Variants in PRKN observed in about 807,000 individuals in gnomAD.
PRKN encodes the protein parkin RBR E3 ubiquitin protein ligase.
A neutral mutation model predicts 59.5 loss-of-function variants in PRKN; 56 were observed. The ratio of observed to expected loss-of-function variants is 0.94; its 90% CI spans 0.76 to 1.18. The LOEUF is 1.18. PRKN is among the 50% of genes most tolerant of loss of function. The probability of loss-of-function intolerance (pLI) is 0.00; values close to 1 mark genes in which losing one functional copy is unlikely to be tolerated. For synonymous variants in PRKN, 250 were observed against 222.1 expected (o/e 1.13, Z -1.12); for missense variants, 657 against 596.4 (o/e 1.10, Z -1.06).
intron 6 of PRKN, among the ~76,000 whole-genome samples, chr6:161,889,532 G>A (rs1170165784): frequency 2.0e-5 from 3 of 152,188 alleles, no homozygotes; most frequent in Non-Finnish European, 4.4e-5. Flanking sequence ...AGCATTCTCA[G>A]ACAGACAGAC....
chr6:162,619,456 T>G (rs1454407586), intron 1 of PRKN, among the ~76,000 whole-genome samples: 1 of 152,050 alleles, frequency 6.6e-6, no homozygotes, highest in Non-Finnish European at 1.5e-5. Flanking sequence ...TACAATAGCA[T>G]GGGGATCTCA....
chr6:161,571,520 A>T (rs1259239104), intron 7 of PRKN, among the ~76,000 whole-genome samples: 1 of 152,238 alleles, frequency 6.6e-6, no homozygotes, highest in Non-Finnish European at 1.5e-5. Flanking sequence ...GATACAGATT[A>T]GATCTGTGCA....
chr6:162,237,267 A>G (rs911995129), intron 3 of PRKN, among the ~76,000 whole-genome samples: 2 of 152,210 alleles, frequency 1.3e-5, no homozygotes, highest in African/African-American at 4.8e-5. Flanking sequence ...AGAATTTTAA[A>G]TCATGAAAGA....
chr6:162,321,932 G>C (rs1219868492), intron 2 of PRKN, among the ~76,000 whole-genome samples: 4 of 151,902 alleles, frequency 2.6e-5, no homozygotes, highest in Non-Finnish European at 5.9e-5. Context: ...CTTTCCCTCT[G>C]AGATTGAGGC....
chr6:162,443,541 A>G (rs1429292921), intron 1 of PRKN, 68 bp from the exon 2 acceptor site: 1 of 1,419,380 alleles, frequency 7.0e-7, no homozygotes, highest in Non-Finnish European at 1.0e-6. Flanking sequence ...TGGTGATAGC[A>G]ACATTTCTCA....
intron 3 of PRKN, among the ~76,000 whole-genome samples, chr6:162,243,629 A>G (rs1315236680): frequency 1.3e-5 from 2 of 152,150 alleles, no homozygotes; most frequent in Admixed American, 6.5e-5. Context: ...ACTTTCAAAG[A>G]TAAGTTTGCT....
chr6:162,100,017 C>T (rs1260259567), intron 4 of PRKN, among the ~76,000 whole-genome samples: 1 of 152,210 alleles, frequency 6.6e-6, no homozygotes, highest in African/African-American at 2.4e-5. Context: ...TACGTGAAAC[C>T]GTGCAATATT....
At chr6:161,758,483 T>C (rs1006235464) in intron 7 of PRKN, among the ~76,000 whole-genome samples, 2 of 152,166 alleles carry the variant, frequency 1.3e-5, no homozygotes, top group Non-Finnish European at 2.9e-5. Context: ...AGAGAGTACA[T>C]ACTCTACGGT....
intron 1 of PRKN, among the ~76,000 whole-genome samples, chr6:162,724,776 G>A (rs558107678): frequency 6.6e-6 from 1 of 152,270 alleles, no homozygotes; most frequent in South Asian, 2.1e-4. Context: ...TACAGAATGA[G>A]TTTATAGACT....
At position 162,415,273 on chromosome 6, in the gene PRKN, C is replaced by T. The variant is rs147401507; in HGVS notation, c.171+28037G>A. Among the ~76,000 whole-genome samples, 285 of 152,252 alleles carry T rather than the reference C, an allele frequency of 1.9e-3. 1 individual carries two copies. Among genetic ancestry groups the T allele is most frequent in the African/African-American group, 6.5e-3 (272 of 41,552 alleles). ...TATTTAAATTTTAACACGAGTGTCA[C>T]ACCACTTTGTTTAAATGTGTTCAAA... On this transcript the variant is annotated intron_variant, in intron 2 of 11. Coordinates refer to ENST00000366898, the MANE Select transcript of PRKN (RefSeq NM_004562.3).
intron 6 of PRKN, among the ~76,000 whole-genome samples, chr6:161,847,124 A>G (rs576815775): frequency 6.6e-6 from 1 of 152,312 alleles, no homozygotes; most frequent in African/African-American, 2.4e-5. Flanking sequence ...CCTGGCCAAC[A>G]TGGTGAAACC....
At chr6:161,865,913 T>G (rs1160777518) in intron 6 of PRKN, among the ~76,000 whole-genome samples, 2 of 152,228 alleles carry the variant, frequency 1.3e-5, no homozygotes, top group African/African-American at 4.8e-5. Context: ...GCCTAGTTTT[T>G]GGCCTATCTC....
intron 7 of PRKN, among the ~76,000 whole-genome samples, chr6:161,598,777 TC>T (rs2128142842): frequency 1.3e-5 from 2 of 152,326 alleles, no homozygotes; most frequent in South Asian, 4.1e-4. Flanking sequence ...CTTCCAACTA[TC>T]CTTTTTCTTT....
rs1439674099 is a variant in PRKN, at chr6:161,471,105, A to T, written c.1083+77749T>A. 6.6e-6 allele frequency among the ~76,000 whole-genome samples: 1 copy of T among 152,194 alleles called. No individual in the cohort carries two copies. Among genetic ancestry groups the T allele is most frequent in the Non-Finnish European group, 1.5e-5 (1 of 68,042 alleles). On this transcript the variant is annotated intron_variant, in intron 9 of 11. Transcript: ENST00000366898. This position sits in a 1 kb window ranked among gnomAD's most constrained non-coding sequence, Gnocchi z 4.5. ...ATTGAGATGAGGGCCATGTGAACCC[A>T]CACTTGTCTTCTTATCCCAGGTCCT...
intron 5 of PRKN, among the ~76,000 whole-genome samples, chr6:162,011,570 T>C (rs2128270906): frequency 7.4e-6 from 1 of 135,004 alleles, no homozygotes; most frequent in Middle Eastern, 3.6e-3. Context: ...TTTGATATTT[T>C]TATTTTCTAT....
intron 7 of PRKN, chr6:161,783,814 A>G: frequency 2.6e-6 from 1 of 389,360 alleles, no homozygotes; most frequent in South Asian, 2.1e-5. Flanking sequence ...TTCCTTAACA[A>G]TATGTTAACA....
At chr6:162,246,979 A>C (rs187195943) in intron 3 of PRKN, among the ~76,000 whole-genome samples, 48 of 152,278 alleles carry the variant, frequency 3.2e-4, no homozygotes, top group African/African-American at 1.1e-3. Flanking sequence ...AAACAGACAT[A>C]ATATTTAGTT....
intron 7 of PRKN, among the ~76,000 whole-genome samples, chr6:161,605,765 C>T (rs1349712366): frequency 6.6e-6 from 1 of 152,142 alleles, no homozygotes; most frequent in East Asian, 1.9e-4. Context: ...CTGCCTCGGC[C>T]TCCCGAAGTG....
rs1409666567 is a variant in PRKN at position 162,414,711 on chromosome 6, A to G, written c.171+28599T>C. Among the ~76,000 whole-genome samples, 6 of 93,840 alleles carry G rather than the reference A, an allele frequency of 6.4e-5. 1 individual carries two copies. The highest frequency in any genetic ancestry group is 9.8e-5 in the Non-Finnish European group (5 of 50,920). 61.6% of individuals were successfully genotyped at this position (93,840 alleles called of 152,430 possible). On this transcript the variant is annotated intron_variant, in intron 2 of 11. Transcript: ENST00000366898. ...GGTCAACTGAGCAAGACTCCGTCTC[A>G]AAAAAAAAAAAAAAAAGTGAATCTT... is the stretch of plus-strand genomic sequence containing the variant.
Sources: allele counts gnomAD v4.1 joint callset (sites outside exome capture counted in the v4.1 genomes callset), GRCh38; gene constraint gnomAD v4.1.1; non-coding constraint Gnocchi (gnomAD v3.1); transcripts MANE v1.5; gene names NCBI Gene and HGNC (gene_info 2026-07-23, HGNC 2026-07-21).